Variants in FBLN5 observed in about 807,000 individuals in gnomAD.
FBLN5 encodes fibulin 5, also known as fibulin-5.
FBLN5 carries 24 observed loss-of-function variants against 61.6 expected under a neutral mutation model. That is an observed-to-expected ratio of 0.39 (90% CI 0.28 to 0.55). The LOEUF (loss-of-function observed/expected upper bound fraction) is 0.55. FBLN5 is among the 20% of genes least tolerant of loss of function. FBLN5 has a pLI of 0.65. For synonymous variants in FBLN5, 213 were observed against 219.8 expected, an observed-to-expected ratio of 0.97 and a Z score of 0.27; for missense variants, 470 against 594.1, an observed-to-expected ratio of 0.79 and a Z score of 2.17.
rs886050892 is a variant in FBLN5, at chr14:91,947,642, G to A, written c.-413C>T. 18 of 187,112 alleles carry A rather than the reference G, an allele frequency of 9.6e-5. No individual in the cohort carries two copies. Among genetic ancestry groups the A allele is most frequent in the Middle Eastern group, 2.3e-3 (1 of 430 alleles). 11.6% of individuals were successfully genotyped at this position (187,112 alleles called of 1,614,324 possible). A position where few individuals can be genotyped will look rare whatever the true frequency, so the allele number is the denominator to read the frequency against. On this transcript the variant is annotated 5_prime_UTR_variant, in exon 1 of 11. Transcript: ENST00000342058. This position sits in a 1 kb window ranked among gnomAD's most constrained non-coding sequence, Gnocchi z 4.3. ...TGCCAGGGCCCAGTGCTCGGCGCTG[G>A]GAGGAGAGCCCTTCCCCGGCCGCGC...
intron 10 of FBLN5, chr14:91,874,081 C>T (rs1225542705): frequency 6.6e-6 from 1 of 152,256 alleles, no homozygotes; most frequent in African/African-American, 2.4e-5. Context: ...TACACGTACG[C>T]ATGTGGGCAT....
intron 4 of FBLN5, among the ~76,000 whole-genome samples, chr14:91,923,878 C>T (rs1180971586): frequency 1.3e-5 from 2 of 152,214 alleles, no homozygotes; most frequent in South Asian, 2.1e-4. Context: ...CACAGATATG[C>T]AACCCTGTCT....
chr14:91,877,264 C>T (rs1255266295), intron 10 of FBLN5, among the ~76,000 whole-genome samples: 1 of 152,132 alleles, frequency 6.6e-6, no homozygotes, highest in Non-Finnish European at 1.5e-5. Context: ...GCCTAACTTC[C>T]CATTTCACAG....
At chr14:91,906,326 G>A (rs532642642) in intron 4 of FBLN5, among the ~76,000 whole-genome samples, 2 of 152,262 alleles carry the variant, frequency 1.3e-5, no homozygotes, top group South Asian at 4.2e-4. Context: ...TAGTGTGGAG[G>A]CTACGACCCA....
intron 7 of FBLN5, among the ~76,000 whole-genome samples, chr14:91,883,473 C>CA (rs370282220): frequency 6.6e-6 from 1 of 151,746 alleles, no homozygotes; most frequent in African/African-American, 2.4e-5. Flanking sequence ...GGGGGTTTCC[C>CA]AAAAAAACAT....
intron 4 of FBLN5, among the ~76,000 whole-genome samples, chr14:91,932,676 C>T (rs1442599407): frequency 1.3e-5 from 2 of 152,138 alleles, no homozygotes; most frequent in Non-Finnish European, 2.9e-5. Context: ...GGATCAAGTC[C>T]CTAGATCTAT....
chr14:91,930,807 A>G (rs918175671), intron 4 of FBLN5, among the ~76,000 whole-genome samples: 1 of 152,118 alleles, frequency 6.6e-6, no homozygotes, highest in African/African-American at 2.4e-5. Flanking sequence ...TGCCATTTCC[A>G]AGCAGATTCC....
chr14:91,943,025 C>A lies in FBLN5; in HGVS notation c.18-64G>T. 9.3e-7 allele frequency: 1 copy of A among 1,080,702 alleles called. No individual in the cohort carries two copies. Among genetic ancestry groups the A allele is most frequent in the South Asian group, 1.3e-5 (1 of 74,476 alleles). 66.9% of individuals were successfully genotyped at this position (1,080,702 alleles called of 1,614,324 possible). A position where few individuals can be genotyped will look rare whatever the true frequency, so the allele number is the denominator to read the frequency against. On this transcript the variant is annotated intron_variant, in intron 1 of 10. Transcript: ENST00000342058. This position sits in a 1 kb window ranked among gnomAD's most constrained non-coding sequence, Gnocchi z 4.0. The stretch of plus-strand genomic sequence containing the variant: ...GATTCAGGTCTAGGGGAGTGTGGGT[C>A]GCATGCGGCCCGTGACGTGTAACGG...
rs571850402 is a variant in FBLN5, at chr14:91,897,803, G to A, written c.380-2731C>T. Among the ~76,000 whole-genome samples the A allele has an allele frequency of 1.3e-3, 200 of 152,300 alleles. 1 individual carries two copies. The highest frequency in any genetic ancestry group is 5.2e-3 in the South Asian group (25 of 4,824). On this transcript the variant is annotated intron_variant, in intron 4 of 10. Coordinates refer to ENST00000342058, the MANE Select transcript of FBLN5 (RefSeq NM_006329.4). The stretch of plus-strand genomic sequence containing the variant: ...TGGCTCATGCCTGTAATCCCAGCAC[G>A]TTGGGAGGCCAAGGTGGGTAAGATT...
chr14:91,903,378 G>A (rs1890541852), intron 4 of FBLN5, among the ~76,000 whole-genome samples: 1 of 152,126 alleles, frequency 6.6e-6, no homozygotes, highest in Non-Finnish European at 1.5e-5. Context: ...GATTTCCTAT[G>A]AACTCAATTC....
chr14:91,945,015 G>A (rs1463255260), intron 1 of FBLN5, among the ~76,000 whole-genome samples: 2 of 152,138 alleles, frequency 1.3e-5, no homozygotes, highest in Admixed American at 6.5e-5. Context: ...TGGATCACCC[G>A]AGGTCAGGAG....
chr14:91,889,452 C>G (rs550918605), intron 6 of FBLN5, among the ~76,000 whole-genome samples: 2 of 152,250 alleles, frequency 1.3e-5, no homozygotes, highest in African/African-American at 4.8e-5. Context: ...CAGGGCCCCA[C>G]TCCAACCTGT....
At chr14:91,879,006 A>G (rs1889298236) in intron 9 of FBLN5, among the ~76,000 whole-genome samples, 1 of 152,130 alleles carries the variant, frequency 6.6e-6, no homozygotes, top group African/African-American at 2.4e-5. Flanking sequence ...TTTGAGCCCA[A>G]AAGGTTGAGG....
At chr14:91,935,591 G>C (rs2056001170) in intron 4 of FBLN5, among the ~76,000 whole-genome samples, 1 of 152,164 alleles carries the variant, frequency 6.6e-6, no homozygotes, top group Admixed American at 6.5e-5. Context: ...GGAGATTGTA[G>C]ACAGGGGAGA....
intron 4 of FBLN5, among the ~76,000 whole-genome samples, chr14:91,903,513 T>C (rs976196264): frequency 6.6e-6 from 1 of 152,214 alleles, no homozygotes; most frequent in Non-Finnish European, 1.5e-5. Flanking sequence ...AGTTTCTACA[T>C]GCTGTGGATC....
intron 7 of FBLN5, among the ~76,000 whole-genome samples, chr14:91,886,716 G>A (rs1375052811): frequency 6.6e-6 from 1 of 152,128 alleles, no homozygotes; most frequent in Non-Finnish European, 1.5e-5. Flanking sequence ...TATTTGTAGA[G>A]ATTTCAGAAG....
chr14:91,878,084 GT>G, intron 9 of FBLN5: 1 of 404,346 alleles, frequency 2.5e-6, no homozygotes, highest in South Asian at 1.9e-5. Context: ...AATTTTTAAA[GT>G]AAGAAACTGG....
At chr14:91,876,184 C>T (rs1889152712) in intron 10 of FBLN5, among the ~76,000 whole-genome samples, 1 of 152,198 alleles carries the variant, frequency 6.6e-6, no homozygotes, top group South Asian at 2.1e-4. Context: ...TGAGTGGTTT[C>T]CCGGGGAGGG....
At chr14:91,914,496 A>T (rs1055789049) in intron 4 of FBLN5, among the ~76,000 whole-genome samples, 47 of 150,310 alleles carry the variant, frequency 3.1e-4, no homozygotes, top group Non-Finnish European at 6.4e-4. Flanking sequence ...AAAAAAAAAA[A>T]AAAAACAACA....
Sources: gnomAD v4.1 joint callset for allele counts (sites outside exome capture counted in the v4.1 genomes callset) on GRCh38, gnomAD v4.1.1 for gene constraint, Gnocchi (gnomAD v3.1) non-coding constraint, MANE v1.5 for transcripts, NCBI Gene and HGNC (gene_info 2026-07-23, HGNC 2026-07-21) for gene names.